The following PTPRD variants were observed in gnomAD, a reference collection of about 807,000 sequenced individuals.
The protein encoded by PTPRD is protein tyrosine phosphatase receptor type D.
A neutral mutation model predicts 214.5 loss-of-function variants in PTPRD; 34 were observed. That is an observed-to-expected ratio of 0.16 (90% CI 0.12 to 0.21). The LOEUF (loss-of-function observed/expected upper bound fraction) is 0.21. Ranked by LOEUF, PTPRD falls within the 10% of genes least tolerant of loss-of-function variation. The probability of loss-of-function intolerance (pLI) is 1.00; values close to 1 mark genes in which losing one functional copy is unlikely to be tolerated. For synonymous variants in PTPRD, 1,128 were observed against 845.7 expected (o/e 1.33, Z -5.79); for missense variants, 2,545 against 2,398.7 (o/e 1.06, Z -1.27).
intron 4 of PTPRD, among the ~76,000 whole-genome samples, chr9:9,977,125 A>G (rs905332499): frequency 3.9e-5 from 6 of 152,190 alleles, no homozygotes; most frequent in East Asian, 3.9e-4. Context: ...GTTAAGTTTT[A>G]CAAAATCTCT....
intron 2 of PTPRD, among the ~76,000 whole-genome samples, chr9:10,433,152 C>A (rs957628213): frequency 2.0e-5 from 3 of 151,686 alleles, no homozygotes; most frequent in Non-Finnish European, 4.4e-5. Flanking sequence ...AGCTGTCATG[C>A]AATAACTCAT....
intron 3 of PTPRD, among the ~76,000 whole-genome samples, chr9:10,063,828 G>A (rs1423081743): frequency 2.6e-5 from 4 of 151,786 alleles, no homozygotes; most frequent in Admixed American, 6.6e-5. Context: ...CAGTACTGGG[G>A]AAAAACAAAA....
chr9:10,271,941 GT>G (rs1372527175), intron 3 of PTPRD, among the ~76,000 whole-genome samples: 6 of 151,764 alleles, frequency 4.0e-5, no homozygotes, highest in African/African-American at 1.5e-4. Context: ...TCTAAGCATT[GT>G]TCAGTAACAA....
intron 4 of PTPRD, among the ~76,000 whole-genome samples, chr9:9,965,954 C>T (rs560085018): frequency 5.3e-5 from 8 of 152,158 alleles, no homozygotes; most frequent in African/African-American, 1.9e-4. Flanking sequence ...TGTATGCATG[C>T]TCTCTTTTGT....
At chr9:9,162,055 C>A (rs2099890464) in intron 10 of PTPRD, among the ~76,000 whole-genome samples, 2 of 152,012 alleles carry the variant, frequency 1.3e-5, no homozygotes, top group Non-Finnish European at 2.9e-5. Flanking sequence ...CAAGGCCCAG[C>A]ATTTAGAAGA....
At chr9:9,152,305 C>T (rs1295992631) in intron 10 of PTPRD, among the ~76,000 whole-genome samples, 2 of 152,170 alleles carry the variant, frequency 1.3e-5, no homozygotes, top group Non-Finnish European at 2.9e-5. Flanking sequence ...TCCTGATGCT[C>T]TGCTTATTTT....
At chr9:10,604,164 TATATTC>T (rs2078686059) in intron 2 of PTPRD, among the ~76,000 whole-genome samples, 1 of 8,284 alleles carries the variant, frequency 1.2e-4, no homozygotes, top group Non-Finnish European at 6.8e-3. Flanking sequence ...GTGAGGACCA[TATATTC>T]TGACCTATTC....
At chr9:9,938,033 T>C (rs1246179466) in intron 5 of PTPRD, among the ~76,000 whole-genome samples, 1 of 152,148 alleles carries the variant, frequency 6.6e-6, no homozygotes, top group Non-Finnish European at 1.5e-5. Flanking sequence ...TATTGGATTA[T>C]CTGCTTGCCC....
chr9:8,481,592 C>G (rs1342056906), intron 30 of PTPRD, among the ~76,000 whole-genome samples: 4 of 152,114 alleles, frequency 2.6e-5, no homozygotes, highest in African/African-American at 9.7e-5. Context: ...TGCTCTGGCT[C>G]AGTTCTCCTG....
rs527804943 is a variant in PTPRD at position 9,201,804 on chromosome 9, T to C, written c.-202-18441A>G. ...GGGACTAATTTTGATGTGATAATTA[T>C]AGCACAGTCATTAACTCATTTTAAT... On this transcript the variant is annotated intron_variant, in intron 9 of 45. Transcript: ENST00000381196. 3.9e-5 allele frequency among the ~76,000 whole-genome samples: 6 copies of C among 152,320 alleles called. No individual in the cohort carries two copies. In the East Asian group the frequency reaches 1.2e-3, roughly 29 times the overall value.
At chr9:10,423,244 G>C (rs2098565919) in intron 2 of PTPRD, among the ~76,000 whole-genome samples, 1 of 151,778 alleles carries the variant, frequency 6.6e-6, no homozygotes, top group Non-Finnish European at 1.5e-5. Flanking sequence ...TCATAGGTGG[G>C]AATTGAACAA....
rs577787564 is a variant in PTPRD, at chr9:10,424,155, C to T, written c.-599-83138G>A. 2.0e-5 allele frequency among the ~76,000 whole-genome samples: 3 copies of T among 151,980 alleles called. No homozygotes were observed. The East Asian group carries it at 5.9e-4, about 30-fold the overall frequency. ...GGAACATTATGGTCATATCCAGAGACTTTATGAATGAAAATAGATTAACAT... is the reference window on the plus strand; with the variant it reads ...GGAACATTATGGTCATATCCAGAGATTTTATGAATGAAAATAGATTAACAT... On this transcript the variant is annotated intron_variant, in intron 2 of 45. Coordinates refer to ENST00000381196, the MANE Select transcript of PTPRD (RefSeq NM_002839.4).
At chr9:9,773,419 T>C (rs1193968770) in intron 5 of PTPRD, among the ~76,000 whole-genome samples, 1 of 152,176 alleles carries the variant, frequency 6.6e-6, no homozygotes, top group African/African-American at 2.4e-5. Context: ...CTCTCTAATA[T>C]ATACATGATG....
chr9:9,950,313 G>T (rs1367319651), intron 4 of PTPRD, among the ~76,000 whole-genome samples: 4 of 152,182 alleles, frequency 2.6e-5, no homozygotes, highest in East Asian at 3.9e-4. Context: ...GAAGTGTGGG[G>T]AGTTCATTTC....
At chr9:9,554,763 C>A (rs1400635400) in intron 8 of PTPRD, among the ~76,000 whole-genome samples, 1 of 152,056 alleles carries the variant, frequency 6.6e-6, no homozygotes, top group Admixed American at 6.6e-5. Flanking sequence ...CACTTCTTAA[C>A]TACGCAGGAA....
In PTPRD at chr9:9,916,388, G is replaced by T. The variant is rs558431311; in HGVS notation, c.-368+22119C>A. Among the ~76,000 whole-genome samples, 14 of 151,886 alleles carry T rather than the reference G, an allele frequency of 9.2e-5. No homozygotes were observed. The East Asian group carries it at 2.7e-3, about 29-fold the overall frequency. On this transcript the variant is annotated intron_variant, in intron 5 of 45. Coordinates refer to ENST00000381196, the MANE Select transcript of PTPRD (RefSeq NM_002839.4). ...TAATAAAAGAAAAAAGGAACAAAGGGTATATAAAACAACAAGAAATCAATC... is the reference window on the plus strand; with the variant it reads ...TAATAAAAGAAAAAAGGAACAAAGGTTATATAAAACAACAAGAAATCAATC...
intron 8 of PTPRD, among the ~76,000 whole-genome samples, chr9:9,560,337 T>C (rs1009123451): frequency 6.6e-5 from 10 of 152,210 alleles, no homozygotes; most frequent in Non-Finnish European, 1.5e-5. Flanking sequence ...CAAGAACATA[T>C]GGTGGTAGAT....
chr9:8,364,234 CAAG>C (rs1344429547), intron 39 of PTPRD, among the ~76,000 whole-genome samples: 1 of 152,148 alleles, frequency 6.6e-6, no homozygotes, highest in African/African-American at 2.4e-5. Context: ...ACAATGGAAT[CAAG>C]AAGGTCATTT....
chr9:8,408,395 C>T (rs2093222522), intron 35 of PTPRD, among the ~76,000 whole-genome samples: 1 of 152,092 alleles, frequency 6.6e-6, no homozygotes, highest in Non-Finnish European at 1.5e-5. Flanking sequence ...TCAACTCTGT[C>T]CACCCAAATA....
Sources: gnomAD v4.1 joint callset for allele counts (sites outside exome capture counted in the v4.1 genomes callset) on GRCh38, gnomAD v4.1.1 for gene constraint, MANE v1.5 for transcripts, NCBI Gene and HGNC (gene_info 2026-07-23, HGNC 2026-07-21) for gene names.